The following RANBP2 variants were observed in gnomAD, a reference collection of about 807,000 sequenced individuals.
RANBP2 encodes the protein E3 SUMO-protein ligase RanBP2.
A neutral mutation model predicts 303.6 loss-of-function variants in RANBP2; 57 were observed. The ratio of observed to expected loss-of-function variants is 0.19; its 90% CI spans 0.15 to 0.23. RANBP2 has a LOEUF of 0.23. Among genes scored for constraint, RANBP2 ranks in the 10% least tolerant of loss-of-function variants. RANBP2 has a pLI of 1.00. For synonymous variants in RANBP2, 1,167 were observed against 1,301.5 expected, an observed-to-expected ratio of 0.90 and a Z score of 2.23; for missense variants, 3,138 against 3,780.8, an observed-to-expected ratio of 0.83 and a Z score of 4.46.
At chr2:109,652,229 T>TTG in the RANBP2 span, among the ~76,000 whole-genome samples, 1 of 150,366 alleles carries the variant, frequency 6.7e-6, no homozygotes, top group African/African-American at 2.4e-5. Flanking sequence ...TTTTGTTTGT[T>TTG]TTTTTTTTTT....
chr2:109,552,991 T>C, the RANBP2 span: 7 of 1,402,782 alleles, frequency 5.0e-6, no homozygotes, highest in Admixed American at 1.4e-4. Flanking sequence ...ACAAGTAGCC[T>C]ACAAAAGAGT....
the RANBP2 span, among the ~76,000 whole-genome samples, chr2:109,087,728 G>A: frequency 6.6e-6 from 1 of 152,196 alleles, no homozygotes; most frequent in Admixed American, 6.5e-5. Flanking sequence ...GCTGCAACAG[G>A]GAGCTTGGAA....
chr2:109,525,197 C>G, the RANBP2 span, among the ~76,000 whole-genome samples: 1 of 151,984 alleles, frequency 6.6e-6, no homozygotes, highest in Non-Finnish European at 1.5e-5. Context: ...CTCTGTCACC[C>G]AGGCTGGAGT....
chr2:109,060,627 A>G, the RANBP2 span, among the ~76,000 whole-genome samples: 5 of 152,172 alleles, frequency 3.3e-5, no homozygotes, highest in African/African-American at 1.2e-4. Flanking sequence ...ACTGCAGTTA[A>G]ACTCTTCTCT....
the RANBP2 span, among the ~76,000 whole-genome samples, chr2:109,202,996 A>G: frequency 6.6e-6 from 1 of 152,198 alleles, no homozygotes; most frequent in Admixed American, 6.5e-5. Context: ...CTAACAAGGT[A>G]ACACTTGGGC....
chr2:109,072,279 G>C, the RANBP2 span, among the ~76,000 whole-genome samples: 510 of 152,302 alleles, frequency 3.3e-3, 1 homozygote, highest in African/African-American at 0.012. Context: ...ATGTGAGTGT[G>C]TTTTCCTGAA....
the RANBP2 span, among the ~76,000 whole-genome samples, chr2:109,219,072 G>C: frequency 6.6e-6 from 1 of 152,098 alleles, no homozygotes; most frequent in East Asian, 1.9e-4. Context: ...CCTTAATTTG[G>C]ATGGTTCCCA....
the RANBP2 span, among the ~76,000 whole-genome samples, chr2:109,356,057 G>T: frequency 6.6e-6 from 1 of 152,146 alleles, no homozygotes; most frequent in Non-Finnish European, 1.5e-5. Context: ...TGTTTTCATT[G>T]CCCAGCACTC....
At chr2:108,893,991 T>TATC in the RANBP2 span, among the ~76,000 whole-genome samples, 6,611 of 152,166 alleles carry the variant, frequency 0.043, 220 homozygotes, top group South Asian at 0.12. Context: ...CTCTCTCTGT[T>TATC]ATCTATCTAG....
chr2:109,699,327 G>A, the RANBP2 span, among the ~76,000 whole-genome samples: 35 of 152,132 alleles, frequency 2.3e-4, no homozygotes, highest in East Asian at 4.6e-3. Flanking sequence ...CAGTTGACTC[G>A]TGAACAATGC....
At chr2:109,583,841 A>G in the RANBP2 span, among the ~76,000 whole-genome samples, 9 of 152,306 alleles carry the variant, frequency 5.9e-5, no homozygotes, top group Admixed American at 2.6e-4. Flanking sequence ...TTGTACCAAC[A>G]TGGATGAAGC....
chr2:109,048,246 G>T, the RANBP2 span, among the ~76,000 whole-genome samples: 1 of 152,124 alleles, frequency 6.6e-6, no homozygotes, highest in Non-Finnish European at 1.5e-5. Context: ...CTTGCTACGT[G>T]ATTTATTTTC....
the RANBP2 span, among the ~76,000 whole-genome samples, chr2:109,495,423 A>G: frequency 1.3e-5 from 2 of 148,234 alleles, no homozygotes; most frequent in Non-Finnish European, 3.0e-5. Flanking sequence ...GGCTTTGAGT[A>G]GACAGACACT....
At chr2:108,803,343 A>G in the RANBP2 span, among the ~76,000 whole-genome samples, 4 of 152,248 alleles carry the variant, frequency 2.6e-5, no homozygotes, top group Admixed American at 6.5e-5. Context: ...ACTCTGGCTC[A>G]TAGAGGCCCC....
At chr2:109,570,232 T>C in the RANBP2 span, among the ~76,000 whole-genome samples, 2 of 152,134 alleles carry the variant, frequency 1.3e-5, no homozygotes, top group Non-Finnish European at 2.9e-5. Flanking sequence ...CAGAAGTGAG[T>C]AGTGACCATC....
the RANBP2 span, among the ~76,000 whole-genome samples, chr2:109,421,319 G>T: frequency 2.0e-5 from 3 of 152,222 alleles, no homozygotes; most frequent in Admixed American, 6.5e-5. Context: ...CCAGCTGAAT[G>T]CCTGTACACA....
chr2:109,380,082 G>A, the RANBP2 span, among the ~76,000 whole-genome samples: 2 of 152,058 alleles, frequency 1.3e-5, no homozygotes, highest in Admixed American at 1.3e-4. Flanking sequence ...TCATGGTTGG[G>A]GTCTGTACAT....
At chr2:109,297,760 A>G in the RANBP2 span, among the ~76,000 whole-genome samples, 2 of 148,672 alleles carry the variant, frequency 1.3e-5, no homozygotes, top group East Asian at 2.0e-4. Context: ...TTATCCAGTC[A>G]GTGCCTCCCA....
At chr2:108,946,801 C>A in the RANBP2 span, among the ~76,000 whole-genome samples, 1 of 152,182 alleles carries the variant, frequency 6.6e-6, no homozygotes, top group Non-Finnish European at 1.5e-5. Flanking sequence ...CACCATGTTT[C>A]TCCCTTGACA....
Sources: allele counts gnomAD v4.1 joint callset (sites outside exome capture counted in the v4.1 genomes callset), GRCh38; gene constraint gnomAD v4.1.1; transcripts MANE v1.5; gene names NCBI Gene and HGNC (gene_info 2026-07-23, HGNC 2026-07-21).